TINAGL1: variants seen among roughly 807,000 people sequenced by gnomAD.
TINAGL1 encodes tubulointerstitial nephritis antigen-like.
TINAGL1 carries 34 observed loss-of-function variants against 62.0 expected under a neutral mutation model. The observed-to-expected ratio is 0.55, with a 90% CI of 0.42 to 0.73. The LOEUF (loss-of-function observed/expected upper bound fraction) is 0.73. Among genes scored for constraint, TINAGL1 ranks in the 30% least tolerant of loss-of-function variants. The pLI, the probability that TINAGL1 is intolerant of heterozygous loss-of-function variation, is 0.00. For synonymous variants in TINAGL1, 221 were observed against 249.7 expected (o/e 0.88, Z 1.08); for missense variants, 516 against 653.2 (o/e 0.79, Z 2.29).
intron 3 of TINAGL1, chr1:31,580,168 T>G (rs868340467): frequency 7.4e-5 from 15 of 202,000 alleles, no homozygotes; most frequent in Admixed American, 8.1e-5. Flanking sequence ...ATGCGCTCTC[T>G]CTCTCTCTCT....
Position 31,576,647 on chromosome 1 carries a change from AG to A in TINAGL1, c.-16+57del. The A allele has an allele frequency of 6.5e-6, 1 of 154,770 alleles. No individual in the cohort carries two copies. The highest frequency in any genetic ancestry group is 3.2e-3 in the Middle Eastern group (1 of 308). The allele number at this position is 154,770 out of a possible 1,614,324, so 9.6% of individuals were successfully genotyped here. On this transcript the variant is annotated intron_variant, in intron 1 of 11. Transcript: ENST00000271064. This position sits in a 1 kb window ranked among gnomAD's most constrained non-coding sequence, Gnocchi z 5.1. ...CGGAAGGTGTAGACAGAGAAGAAAC[AG>A]GGGGAGGGGGCAGGTAGAGGAACCA...
At position 31,584,464 on chromosome 1, in the gene TINAGL1, C is replaced by T; in HGVS notation, c.583-214C>T. 8.1e-6 allele frequency: 5 copies of T among 620,676 alleles called. No homozygotes were observed. Among genetic ancestry groups the T allele is most frequent in the South Asian group, 7.9e-5 (4 of 50,600 alleles). 38.4% of individuals were successfully genotyped at this position (620,676 alleles called of 1,614,324 possible). ...GGACTAGTCACCACCGCCACCCCGC[C>T]CCGCCCCACCACCTGATACCTGGGA... On this transcript the variant is annotated intron_variant, in intron 5 of 11. Transcript: ENST00000271064. The surrounding 1 kb of genome is among the most constrained non-coding windows in gnomAD (Gnocchi z 4.0).
chr1:31,585,978 T>C lies in TINAGL1; in HGVS notation c.1217+102T>C. ...TACAACCTCTCTAAAAAGCCAGGAC[T>C]GCTCTCATCATTTCAATAGGGAGAA... is the stretch of plus-strand genomic sequence containing the variant. On this transcript the variant is annotated intron_variant, in intron 10 of 11. Transcript: ENST00000271064. This position sits in a 1 kb window ranked among gnomAD's most constrained non-coding sequence, Gnocchi z 4.3. The C allele has an allele frequency of 5.1e-6, 7 of 1,382,110 alleles. No homozygotes were observed. Among genetic ancestry groups the C allele is most frequent in the Non-Finnish European group, 6.7e-6 (7 of 1,047,314 alleles). The allele number at this position is 1,382,110 out of a possible 1,614,324, so 85.6% of individuals were successfully genotyped here.
chr1:31,586,621 T>C (rs1376345768), intron 10 of TINAGL1, 89 bp from the exon 11 acceptor site: 1 of 1,499,554 alleles, frequency 6.7e-7, no homozygotes, highest in African/African-American at 1.4e-5. Flanking sequence ...CAAAGGCAAC[T>C]GGGGGCTGGA....
chr1:31,583,683 A>C lies in TINAGL1; in HGVS notation c.582+108A>C. Reference sequence around the variant, plus strand: ...AAGGGCCTGGACCATCCCCTACTACAAGGCTGTGTGTCCCTGGACAAGTTA... The same window carrying C: ...AAGGGCCTGGACCATCCCCTACTACCAGGCTGTGTGTCCCTGGACAAGTTA... On this transcript the variant is annotated intron_variant, in intron 5 of 11. Coordinates refer to ENST00000271064, the MANE Select transcript of TINAGL1 (RefSeq NM_022164.3). This position sits in a 1 kb window ranked among gnomAD's most constrained non-coding sequence, Gnocchi z 4.4. 1 of 921,832 alleles carries C rather than the reference A, an allele frequency of 1.1e-6. No individual in the cohort carries two copies. The highest frequency in any genetic ancestry group is 1.7e-6 in the Non-Finnish European group (1 of 598,986). The allele number at this position is 921,832 out of a possible 1,614,324, so 57.1% of individuals were successfully genotyped here.
intron 3 of TINAGL1, among the ~76,000 whole-genome samples, chr1:31,579,594 G>A (rs1186183380): frequency 6.6e-6 from 1 of 152,104 alleles, no homozygotes; most frequent in African/African-American, 2.4e-5. Context: ...GAGGGAGAAG[G>A]GGGCGCCAGG....
intron 2 of TINAGL1, among the ~76,000 whole-genome samples, chr1:31,578,429 CAGCT>C (rs1262220875): frequency 3.7e-5 from 2 of 53,840 alleles, no homozygotes; most frequent in Middle Eastern, 0.016. Flanking sequence ...ATTTTAGTGA[CAGCT>C]GGTGTGTGTG....
intron 3 of TINAGL1, chr1:31,580,176 T>G (rs1639183848): frequency 2.3e-5 from 7 of 301,376 alleles, no homozygotes; most frequent in African/African-American, 3.8e-5. Context: ...TCTCTCTCTC[T>G]CTCTCTCTCT....
rs1162182531 is a variant in TINAGL1 at position 31,587,177 on chromosome 1, C to G, written c.*198C>G. ...CGGGCAGGCGAGACTGGCGGAGCCCCCAGACCTCCCAGTGGGGACGGGGCA... is the reference window on the plus strand; with the variant it reads ...CGGGCAGGCGAGACTGGCGGAGCCCGCAGACCTCCCAGTGGGGACGGGGCA... On this transcript the variant is annotated 3_prime_UTR_variant, in exon 12 of 12. Coordinates refer to ENST00000271064, the MANE Select transcript of TINAGL1 (RefSeq NM_022164.3). 2.6e-6 allele frequency: 2 copies of G among 764,976 alleles called. No individual in the cohort carries two copies. Among genetic ancestry groups the G allele is most frequent in the African/African-American group, 3.7e-5 (2 of 53,820 alleles). 47.4% of individuals were successfully genotyped at this position (764,976 alleles called of 1,614,324 possible). A position where few individuals can be genotyped will look rare whatever the true frequency, so the allele number is the denominator to read the frequency against.
chr1:31,578,877 G>GGTGT (rs57769142), intron 2 of TINAGL1, among the ~76,000 whole-genome samples: 2,860 of 76,414 alleles, frequency 0.037, 705 homozygotes, highest in East Asian at 0.18. Flanking sequence ...AGTGAGAGCT[G>GGTGT]GTGTGTGTGT....
At position 31,577,356 on chromosome 1, in the gene TINAGL1, A is replaced by G. The variant is rs540680177; in HGVS notation, c.208A>G (p.Ile70Val). Residue 70 changes from isoleucine to valine, a missense_variant, in exon 2 of 12, where the codon ATC (isoleucine) becomes GTC (valine). Physicochemically the swap from Ile to Val is conservative, Grantham distance 29. Transcript: ENST00000271064. The surrounding 1 kb of genome is among the most constrained non-coding windows in gnomAD (Gnocchi z 5.4). ...DDCALPYLGAICYCDLFCNRT... is the reference protein window; with the variant it reads ...DDCALPYLGAVCYCDLFCNRT... ...CTGTGCCCTGCCCTACCTGGGCGCC[A>G]TCTGTTACTGTGACCTCTTCTGCAA... is the stretch of plus-strand genomic sequence containing the variant. 3 of 1,613,972 alleles carry G rather than the reference A, an allele frequency of 1.9e-6. No individual in the cohort carries two copies. The highest frequency in any genetic ancestry group is 1.7e-5 in the Admixed American group (1 of 60,022).
chr1:31,579,485 C>T (rs1457576579), intron 3 of TINAGL1, among the ~76,000 whole-genome samples: 1 of 152,248 alleles, frequency 6.6e-6, no homozygotes, highest in Non-Finnish European at 1.5e-5. Context: ...CCATGGGTGC[C>T]TGGCCCAGGG....
Position 31,580,556 on chromosome 1 carries a change from T to C in TINAGL1, c.374+1289T>C. The C allele has an allele frequency of 3.1e-6, 4 of 1,289,056 alleles. No individual in the cohort carries two copies. In the South Asian group the frequency reaches 4.9e-5, roughly 16 times the overall value. 79.9% of individuals were successfully genotyped at this position (1,289,056 alleles called of 1,614,324 possible). The stretch of plus-strand genomic sequence containing the variant: ...AGGGAAAGGAAGGATGAGGAAAGCC[T>C]TCCCGGCCCTGCAGACTCCTCTGGC... On this transcript the variant is annotated intron_variant, in intron 3 of 11. Transcript: ENST00000271064.
In TINAGL1 at chr1:31,577,217, G is replaced by A. The variant is rs757256678; in HGVS notation, c.69G>A (p.Gln23=). 109 of 1,601,354 alleles carry A rather than the reference G, an allele frequency of 6.8e-5. No individual in the cohort carries two copies. Among genetic ancestry groups the A allele is most frequent in the Non-Finnish European group, 8.7e-5 (102 of 1,175,294 alleles). ...PLAGHLALGA[Q]QGRGRRELAP... ...CTGGCCACTTGGCTCTGGGTGCCCA[G>A]CAGGGTCGTGGGCGCCGGGAGCTAG... The change falls in exon 2 of 12, where the codon CAG becomes CAA. Residue 23 remains glutamine, a synonymous_variant. Coordinates refer to ENST00000271064, the MANE Select transcript of TINAGL1 (RefSeq NM_022164.3). This position sits in a 1 kb window ranked among gnomAD's most constrained non-coding sequence, Gnocchi z 5.4.
At position 31,577,276 on chromosome 1, in the gene TINAGL1, C is replaced by T. The variant is rs781250728; in HGVS notation, c.128C>T (p.Ala43Val). The T allele has an allele frequency of 2.4e-5, 39 of 1,612,196 alleles. No homozygotes were observed. The highest frequency in any genetic ancestry group is 3.3e-4 in the Middle Eastern group (2 of 6,078). The change falls in exon 2 of 12, where the codon GCG (alanine) becomes GTG (valine). Residue 43 changes from alanine (A) to valine (V), a missense_variant. Ala to Val is a moderately conservative substitution (Grantham distance 64). Coordinates refer to ENST00000271064, the MANE Select transcript of TINAGL1 (RefSeq NM_022164.3). The surrounding 1 kb of genome is among the most constrained non-coding windows in gnomAD (Gnocchi z 5.4). ...CTGCACCTGCGGGGCATCCGGGACG[C>T]GGGAGGCCGGTACTGCCAGGAGCAG... ...PGLHLRGIRD[A>V]GGRYCQEQDL...
chr1:31,582,327 CA>C (rs5773366), intron 3 of TINAGL1, among the ~76,000 whole-genome samples: 11 of 148,190 alleles, frequency 7.4e-5, no homozygotes, highest in Non-Finnish European at 7.5e-5. Flanking sequence ...GACCCTGTCT[CA>C]AAAAAAAAAG....
intron 2 of TINAGL1, among the ~76,000 whole-genome samples, chr1:31,578,775 GGT>G (rs1553148719): frequency 1.8e-5 from 2 of 112,150 alleles, no homozygotes; most frequent in South Asian, 3.2e-4. Flanking sequence ...AGTGAGAGCT[GGT>G]GTGTGTGTGT....
At position 31,587,516 on chromosome 1, in the gene TINAGL1, C is replaced by T. The variant is rs1639431910; in HGVS notation, c.*537C>T. On this transcript the variant is annotated 3_prime_UTR_variant, in exon 12 of 12. Transcript: ENST00000271064. The stretch of plus-strand genomic sequence containing the variant: ...ATTTTTTGTAAAGAGGGGGGTCTCA[C>T]TGTGTTGCCCAGGCTGGTCTCGAAC... The T allele has an allele frequency of 1.3e-5, 2 of 152,298 alleles. No individual in the cohort carries two copies. The highest frequency in any genetic ancestry group is 2.1e-4 in the South Asian group (1 of 4,842). 9.4% of individuals were successfully genotyped at this position (152,298 alleles called of 1,614,324 possible).
Position 31,577,343 on chromosome 1 carries a change from C to G in TINAGL1, c.195C>G (p.Pro65=). The change falls in exon 2 of 12, where the codon CCC becomes CCG. Residue 65 remains proline (P), a synonymous_variant. Transcript: ENST00000271064. This position sits in a 1 kb window ranked among gnomAD's most constrained non-coding sequence, Gnocchi z 5.4. ...GCCGTGCCGACGACTGTGCCCTGCCCTACCTGGGCGCCATCTGTTACTGTG... is the reference window on the plus strand; with the variant it reads ...GCCGTGCCGACGACTGTGCCCTGCCGTACCTGGGCGCCATCTGTTACTGTG... The part of the protein sequence containing the change: ...CRGRADDCAL[P]YLGAICYCDL... 3 of 1,613,940 alleles carry G rather than the reference C, an allele frequency of 1.9e-6. No homozygotes were observed. The highest frequency in any genetic ancestry group is 2.5e-6 in the Non-Finnish European group (3 of 1,180,026).
Sources: allele counts gnomAD v4.1 joint callset (sites outside exome capture counted in the v4.1 genomes callset), GRCh38; gene constraint gnomAD v4.1.1; non-coding constraint Gnocchi (gnomAD v3.1); transcripts MANE v1.5; gene names NCBI Gene and HGNC (gene_info 2026-07-23, HGNC 2026-07-21).